Variants in SCN10A observed in about 807,000 individuals in gnomAD.
SCN10A encodes sodium channel protein type 10 subunit alpha.
A neutral mutation model predicts 170.7 loss-of-function variants in SCN10A; 162 were observed. The ratio of observed to expected loss-of-function variants is 0.95; its 90% CI spans 0.84 to 1.08. The LOEUF (loss-of-function observed/expected upper bound fraction) is 1.08. Ranked by LOEUF, SCN10A falls within the 50% of genes least tolerant of loss-of-function variation. SCN10A has a pLI of 0.00. For missense variants in SCN10A, 2,527 were observed against 2,436.9 expected (o/e 1.04, Z -0.78); for synonymous variants, 985 against 904.6 (o/e 1.09, Z -1.59).
chr3:38,788,397 A>G (rs564957486), intron 4 of SCN10A, among the ~76,000 whole-genome samples: 7 of 152,172 alleles, frequency 4.6e-5, no homozygotes, highest in Non-Finnish European at 1.0e-4. Context: ...GGGAAATAGA[A>G]TAACTTCAGG....
intron 13 of SCN10A, among the ~76,000 whole-genome samples, chr3:38,743,983 T>G (rs776134843): frequency 8.5e-5 from 13 of 152,096 alleles, no homozygotes; most frequent in Non-Finnish European, 1.5e-4. Flanking sequence ...ATCTATAAAT[T>G]CCTCGGCAAG....
chr3:38,727,748 C>T (rs560233324), intron 16 of SCN10A, among the ~76,000 whole-genome samples: 10 of 152,238 alleles, frequency 6.6e-5, no homozygotes, highest in African/African-American at 1.9e-4. Context: ...AAGAAAGGGG[C>T]TTCTGGAAGA....
At chr3:38,753,219 T>C (rs2063768210) in intron 11 of SCN10A, among the ~76,000 whole-genome samples, 1 of 152,220 alleles carries the variant, frequency 6.6e-6, no homozygotes, top group Non-Finnish European at 1.5e-5. Flanking sequence ...TGGCTTAAAG[T>C]TGCCAGAGAA....
intron 1 of SCN10A, among the ~76,000 whole-genome samples, chr3:38,803,550 A>G (rs2064386470): frequency 6.6e-6 from 1 of 151,712 alleles, no homozygotes; most frequent in Admixed American, 6.6e-5. Context: ...TATCGCAAGG[A>G]CAAAAAACCA....
Position 38,698,539 on chromosome 3 carries a change from T to G in SCN10A, c.4681A>C (p.Lys1561Gln). ...IASLIFSAIL[K>Q]SLQSYFSPTL... is the part of the protein sequence containing the mutation. ...GGGGAGAAGTAACTTTGAAGTGACT[T>G]AAGAATTGCAGAAAAAATCAGGCCT... Residue 1561 changes from lysine to glutamine, a missense_variant, in exon 28 of 28, where the codon AAG (lysine) becomes CAG (glutamine). Transcript: ENST00000449082. The G allele has an allele frequency of 6.2e-7, 1 of 1,610,874 alleles. No homozygotes were observed. The highest frequency in any genetic ancestry group is 8.5e-7 in the Non-Finnish European group (1 of 1,177,412).
At chr3:38,767,603 T>C (rs2063947329) in intron 5 of SCN10A, among the ~76,000 whole-genome samples, 1 of 152,130 alleles carries the variant, frequency 6.6e-6, no homozygotes, top group Non-Finnish European at 1.5e-5. Flanking sequence ...TCTGAGAGGA[T>C]ACCTGACATA....
rs746193804 is a variant in SCN10A, at chr3:38,726,791, T to C, written c.2902A>G (p.Arg968Gly). 2.5e-6 allele frequency: 4 copies of C among 1,611,324 alleles called. No individual in the cohort carries two copies. Among genetic ancestry groups the C allele is most frequent in the Admixed American group, 3.3e-5 (2 of 59,950 alleles). Residue 968 changes from arginine to glycine, a missense_variant, in exon 17 of 28, where the codon AGG becomes GGG. Transcript: ENST00000449082. ...AENHIAANTA[R>G]GSSGGLQAPR... ...GCTTGGAGCCCTCCAGAGCTCCCCC[T>C]GGCAGTGTTGGCAGCAATGTGGTTC...
At chr3:38,782,274 T>C (rs2064147151) in intron 4 of SCN10A, among the ~76,000 whole-genome samples, 1 of 152,112 alleles carries the variant, frequency 6.6e-6, no homozygotes, top group South Asian at 2.1e-4. Context: ...TTGTATCATG[T>C]CAACACTTGC....
At chr3:38,720,832 G>A (rs779155954) in intron 20 of SCN10A, among the ~76,000 whole-genome samples, 3 of 152,330 alleles carry the variant, frequency 2.0e-5, no homozygotes, top group Non-Finnish European at 4.4e-5. Flanking sequence ...AACAGCACAT[G>A]TGGTTATTAC....
At chr3:38,738,385 C>T (rs1281296970) in intron 15 of SCN10A, among the ~76,000 whole-genome samples, 1 of 152,176 alleles carries the variant, frequency 6.6e-6, no homozygotes, top group Non-Finnish European at 1.5e-5. Context: ...TATGTCACTG[C>T]ACATGGGCAT....
chr3:38,809,817 T>G (rs969424534), intron 1 of SCN10A, among the ~76,000 whole-genome samples: 1 of 152,144 alleles, frequency 6.6e-6, no homozygotes, highest in African/African-American at 2.4e-5. Context: ...GAAATCATAA[T>G]AAAAATAAAT....
chr3:38,762,417 A>G (rs991384095), intron 6 of SCN10A, among the ~76,000 whole-genome samples: 1 of 152,158 alleles, frequency 6.6e-6, no homozygotes, highest in Non-Finnish European at 1.5e-5. Flanking sequence ...GGGAGGAGGT[A>G]AAACCTTGGC....
intron 15 of SCN10A, among the ~76,000 whole-genome samples, chr3:38,736,362 T>TGTGA (rs2063560727): frequency 3.3e-4 from 3 of 9,142 alleles, no homozygotes; most frequent in Non-Finnish European, 9.3e-4. Context: ...AGGGAAACTC[T>TGTGA]GTGTGTGTGT....
chr3:38,729,192 A>G (rs2063489714), intron 15 of SCN10A, among the ~76,000 whole-genome samples: 1 of 152,132 alleles, frequency 6.6e-6, no homozygotes, highest in Non-Finnish European at 1.5e-5. Context: ...TTCTATAGCC[A>G]CAGGCCTGAT....
chr3:38,736,963 G>GTTTCTTTTTTTTTTTTTTT (rs2063568467), intron 15 of SCN10A, among the ~76,000 whole-genome samples: 1 of 46,666 alleles, frequency 2.1e-5, no homozygotes, highest in African/African-American at 1.0e-4. Flanking sequence ...AGAAATGTTC[G>GTTTCTTTTTTTTTTTTTTT]TTTTTTTTTT....
chr3:38,736,963 GTTTTT>G (rs71085334), intron 15 of SCN10A, among the ~76,000 whole-genome samples: 5 of 46,682 alleles, frequency 1.1e-4, no homozygotes, highest in Admixed American at 3.3e-4. Flanking sequence ...AGAAATGTTC[GTTTTT>G]TTTTTTTTTT....
intron 4 of SCN10A, among the ~76,000 whole-genome samples, chr3:38,776,776 G>A (rs1371054140): frequency 1.3e-5 from 2 of 151,962 alleles, no homozygotes; most frequent in Non-Finnish European, 2.9e-5. Context: ...ATCCCAAAGG[G>A]ACAGTTTATG....
intron 12 of SCN10A, among the ~76,000 whole-genome samples, chr3:38,750,493 T>A (rs1413029723): frequency 6.6e-6 from 1 of 152,230 alleles, no homozygotes; most frequent in Non-Finnish European, 1.5e-5. Context: ...TTAATAAACA[T>A]AAAGAAAGTT....
chr3:38,785,595 T>G (rs1173553125), intron 4 of SCN10A, among the ~76,000 whole-genome samples: 1 of 151,956 alleles, frequency 6.6e-6, no homozygotes, highest in East Asian at 1.9e-4. Context: ...GACTAACACA[T>G]CAAAAGCAAT....
Sources: gnomAD v4.1 joint callset for allele counts (sites outside exome capture counted in the v4.1 genomes callset) on GRCh38, gnomAD v4.1.1 for gene constraint, MANE v1.5 for transcripts, NCBI Gene and HGNC (gene_info 2026-07-23, HGNC 2026-07-21) for gene names.